Variants in PTPRZ1 observed in about 807,000 individuals in gnomAD.
The protein encoded by PTPRZ1 is protein tyrosine phosphatase receptor type Z1.
A neutral mutation model predicts 214.1 loss-of-function variants in PTPRZ1; 82 were observed. The ratio of observed to expected loss-of-function variants is 0.38; its 90% CI spans 0.32 to 0.46. The LOEUF (loss-of-function observed/expected upper bound fraction) is 0.46, where lower values mean the gene tolerates loss of function less well. PTPRZ1 is among the 20% of genes least tolerant of loss of function. The pLI is 1.00. For missense variants in PTPRZ1, 2,603 were observed against 2,748.7 expected (o/e 0.95, Z 1.19); for synonymous variants, 945 against 987.9 (o/e 0.96, Z 0.81).
At chr7:121,981,563 G>T (rs1242694264) in intron 6 of PTPRZ1, among the ~76,000 whole-genome samples, 4 of 152,152 alleles carry the variant, frequency 2.6e-5, no homozygotes, top group Admixed American at 2.6e-4. Context: ...GTGAGGGCTG[G>T]TTCACAAATA....
At chr7:121,916,319 T>C (rs1312799399) in intron 1 of PTPRZ1, among the ~76,000 whole-genome samples, 1 of 151,308 alleles carries the variant, frequency 6.6e-6, no homozygotes, top group East Asian at 1.9e-4. Flanking sequence ...GTTACCATTA[T>C]CACATTAGAC....
rs965156241 is a variant in PTPRZ1 at position 122,011,558 on chromosome 7, G to C, written c.2512G>C (p.Val838Leu). 11 of 1,614,082 alleles carry C rather than the reference G, an allele frequency of 6.8e-6. No individual in the cohort carries two copies. The highest frequency in any genetic ancestry group is 9.3e-6 in the Non-Finnish European group (11 of 1,180,018). ...TGAATTGTTTCGCCATCTGCATACA[G>C]TTTCTCAAATCCTTCCACAAGTTAC... is the stretch of plus-strand genomic sequence containing the variant. ...SSELFRHLHT[V>L]SQILPQVTSA... is the part of the protein sequence containing the mutation. The change falls in exon 12 of 30, where the codon GTT (valine) becomes CTT (leucine). Residue 838 changes from valine (V) to leucine (L), a missense_variant. Val to Leu is a conservative substitution (Grantham distance 32). This residue lies in a region of PTPRZ1 where 1,913 missense variants were observed against 1,914.3 expected (regional missense o/e 1.00). Coordinates refer to ENST00000393386, the MANE Select transcript of PTPRZ1 (RefSeq NM_002851.3).
chr7:122,006,990 C>T (rs183373722), intron 11 of PTPRZ1, among the ~76,000 whole-genome samples: 2 of 152,018 alleles, frequency 1.3e-5, no homozygotes, highest in East Asian at 3.9e-4. Context: ...GAGACAGCAC[C>T]ATCCTGTGGT....
At chr7:121,899,447 A>T (rs546932595) in intron 1 of PTPRZ1, among the ~76,000 whole-genome samples, 2 of 152,334 alleles carry the variant, frequency 1.3e-5, no homozygotes, top group East Asian at 3.9e-4. Flanking sequence ...ATAAAAGTTC[A>T]TATTTTTTTA....
chr7:121,980,568 A>G (rs1241031261), intron 6 of PTPRZ1, among the ~76,000 whole-genome samples: 3 of 152,224 alleles, frequency 2.0e-5, no homozygotes. Flanking sequence ...GGACATATTG[A>G]CGTGACTATC....
chr7:122,051,641 T>A (rs1002404512), intron 24 of PTPRZ1, 120 bp downstream of exon 24: 2 of 895,946 alleles, frequency 2.2e-6, no homozygotes, highest in Non-Finnish European at 3.4e-6. Context: ...TTTTTAATTT[T>A]GTCCAATATG....
rs183742717 is a variant in PTPRZ1, at chr7:121,995,941, G to A, written c.929-441G>A. ...TTCTAAAAATGAATCTGTATGCCAG[G>A]TATATTCAAAACAATGTTCTAGGCA... is the stretch of plus-strand genomic sequence containing the variant. On this transcript the variant is annotated intron_variant, in intron 8 of 29. Transcript: ENST00000393386. Among the ~76,000 whole-genome samples, 4 of 152,196 alleles carry A rather than the reference G, an allele frequency of 2.6e-5. No individual in the cohort carries two copies. In the East Asian group the frequency reaches 7.7e-4, roughly 29 times the overall value.
At chr7:121,980,206 G>A (rs966237836) in intron 6 of PTPRZ1, among the ~76,000 whole-genome samples, 2 of 152,032 alleles carry the variant, frequency 1.3e-5, no homozygotes, top group South Asian at 2.1e-4. Context: ...ACTTAGCAGC[G>A]AGTCAATTTC....
intron 3 of PTPRZ1, among the ~76,000 whole-genome samples, chr7:121,971,717 G>A (rs980765577): frequency 1.1e-4 from 16 of 152,166 alleles, no homozygotes; most frequent in Admixed American, 3.9e-4. Flanking sequence ...GTTGGCTGTC[G>A]TTGTTATTGT....
In PTPRZ1 at chr7:122,019,227, T is replaced by A. The variant is rs1562866154; in HGVS notation, c.4947T>A (p.Phe1649Leu). 6.2e-7 allele frequency: 1 copy of A among 1,613,006 alleles called. No homozygotes were observed. The highest frequency in any genetic ancestry group is 8.5e-7 in the Non-Finnish European group (1 of 1,179,108). Residue 1649 changes from phenylalanine (F) to leucine (L), a missense_variant, in exon 13 of 30, where the codon TTT becomes TTA. Around this residue, in one of 6 missense-constraint regions of PTPRZ1, gnomAD observed 1,913 missense variants for 1,914.3 expected, o/e 1.00. Coordinates refer to ENST00000393386, the MANE Select transcript of PTPRZ1 (RefSeq NM_002851.3). ...IPLVIVSALT[F>L]ICLVVLVGIL... Reference sequence around the variant, plus strand: ...TTGTGATCGTGTCAGCCCTGACTTTTATCTGTCTAGTGGTTCTTGTGGGTA... The same window carrying A: ...TTGTGATCGTGTCAGCCCTGACTTTAATCTGTCTAGTGGTTCTTGTGGGTA...
chr7:121,934,681 G>C (rs923970085), intron 2 of PTPRZ1, among the ~76,000 whole-genome samples: 3 of 152,184 alleles, frequency 2.0e-5, no homozygotes, highest in African/African-American at 7.2e-5. Flanking sequence ...ATCCCAAACA[G>C]ATTGAACAAG....
chr7:122,007,221 T>A (rs1297933484), intron 11 of PTPRZ1, among the ~76,000 whole-genome samples: 1 of 152,030 alleles, frequency 6.6e-6, no homozygotes, highest in Non-Finnish European at 1.5e-5. Flanking sequence ...GAGAAAGAAT[T>A]CTTATGACAT....
chr7:121,992,738 T>A (rs1295871921), intron 8 of PTPRZ1, among the ~76,000 whole-genome samples: 1 of 64,344 alleles, frequency 1.6e-5, no homozygotes, highest in Admixed American at 2.0e-4. Flanking sequence ...GCTGAGACAC[T>A]ATCTTCTTCT....
At position 122,038,830 on chromosome 7, in the gene PTPRZ1, A is replaced by C; in HGVS notation, c.5443A>C (p.Ile1815Leu). Residue 1815 changes from isoleucine to leucine, a missense_variant, in exon 19 of 30, where the codon ATA becomes CTA. Transcript: ENST00000393386. ...CACAGCTGAAGATTTCTGGAGAATGATATGGGAACATAATGTGGAAGTTAT... is the reference window on the plus strand; with the variant it reads ...CACAGCTGAAGATTTCTGGAGAATGCTATGGGAACATAATGTGGAAGTTAT... Reference protein sequence around the residue: ...KSTAEDFWRMIWEHNVEVIVM... With the variant: ...KSTAEDFWRMLWEHNVEVIVM... The C allele has an allele frequency of 6.2e-7, 1 of 1,613,824 alleles. No individual in the cohort carries two copies. The highest frequency in any genetic ancestry group is 8.5e-7 in the Non-Finnish European group (1 of 1,179,766).
intron 1 of PTPRZ1, among the ~76,000 whole-genome samples, chr7:121,922,639 A>G (rs1415535477): frequency 6.6e-6 from 1 of 152,150 alleles, no homozygotes; most frequent in Admixed American, 6.5e-5. Context: ...CAGAGAAAAG[A>G]CTTATTTTGT....
rs1162785211 is a variant in PTPRZ1, at chr7:121,961,118, A to G, written c.125-6833A>G. Among the ~76,000 whole-genome samples the G allele has an allele frequency of 3.3e-5, 5 of 152,212 alleles. No homozygotes were observed. In the East Asian group the frequency reaches 5.8e-4, roughly 18 times the overall value. Reference sequence around the variant, plus strand: ...AAATTAAGACAAATAGGAGATGTCTATGAAAATGGTCATTACGCAGCCTCT... The same window carrying G: ...AAATTAAGACAAATAGGAGATGTCTGTGAAAATGGTCATTACGCAGCCTCT... On this transcript the variant is annotated intron_variant, in intron 2 of 29. Coordinates refer to ENST00000393386, the MANE Select transcript of PTPRZ1 (RefSeq NM_002851.3).
At position 122,011,462 on chromosome 7, in the gene PTPRZ1, T is replaced by C; in HGVS notation, c.2416T>C (p.Ser806Pro). ...ATPVFPSVDV[S>P]FESILSSYDG... is the part of the protein sequence containing the mutation. ...GCCTGTATTTCCCAGTGTCGATGTG[T>C]CATTTGAATCCATCCTGTCTTCCTA... is the stretch of plus-strand genomic sequence containing the variant. Residue 806 changes from serine to proline, a missense_variant, in exon 12 of 30, where the codon TCA becomes CCA. Transcript: ENST00000393386. 6.2e-7 allele frequency: 1 copy of C among 1,614,124 alleles called. No homozygotes were observed. Among genetic ancestry groups the C allele is most frequent in the Non-Finnish European group, 8.5e-7 (1 of 1,180,006 alleles).
At chr7:122,058,182 G>A (rs907799093) in intron 27 of PTPRZ1, among the ~76,000 whole-genome samples, 1 of 151,682 alleles carries the variant, frequency 6.6e-6, no homozygotes, top group East Asian at 1.9e-4. Context: ...GCACTTTTAT[G>A]TAAAATTTAG....
rs1485058375 is a variant in PTPRZ1 at position 121,887,200 on chromosome 7, T to G, written c.58+13643T>G. Reference sequence around the variant, plus strand: ...TGGTCTCCTCATGGGATATAGCCACTGGGCTCTAAAGACTTCTTGCTCATA... The same window carrying G: ...TGGTCTCCTCATGGGATATAGCCACGGGGCTCTAAAGACTTCTTGCTCATA... On this transcript the variant is annotated intron_variant, in intron 1 of 29. Transcript: ENST00000393386. Among the ~76,000 whole-genome samples, 4 of 152,292 alleles carry G rather than the reference T, an allele frequency of 2.6e-5. No homozygotes were observed. In the East Asian group the frequency reaches 7.7e-4, roughly 29 times the overall value.
Sources: gnomAD v4.1 joint callset for allele counts (sites outside exome capture counted in the v4.1 genomes callset) on GRCh38, gnomAD v4.1.1 for gene constraint, gnomAD v4.1.1 regional missense constraint, MANE v1.5 for transcripts, NCBI Gene and HGNC (gene_info 2026-07-23, HGNC 2026-07-21) for gene names.